The following ADGRG6 variants were observed in gnomAD, a reference collection of about 807,000 sequenced individuals.
ADGRG6 encodes the protein G-protein coupled receptor 126.
A neutral mutation model predicts 142.4 loss-of-function variants in ADGRG6; 84 were observed. The observed-to-expected ratio is 0.59, with a 90% CI of 0.49 to 0.71. The LOEUF (loss-of-function observed/expected upper bound fraction) is 0.71. Ranked by LOEUF, ADGRG6 falls within the 30% of genes least tolerant of loss-of-function variation. ADGRG6 has a pLI of 0.00. For missense variants in ADGRG6, 1,367 were observed against 1,466.6 expected, an observed-to-expected ratio of 0.93 and a Z score of 1.11; for synonymous variants, 521 against 520.5, an observed-to-expected ratio of 1.00 and a Z score of -0.01.
chr6:142,339,185 G>A (rs926362665), intron 2 of ADGRG6, among the ~76,000 whole-genome samples: 2 of 152,100 alleles, frequency 1.3e-5, no homozygotes, highest in African/African-American at 2.4e-5. Flanking sequence ...TCTGATGTTA[G>A]CTATGCACAA....
chr6:142,376,889 A>G (rs79273258), intron 4 of ADGRG6, among the ~76,000 whole-genome samples: 2,542 of 152,258 alleles, frequency 0.017, 78 homozygotes, highest in African/African-American at 0.057. Context: ...TTTGCTCTTC[A>G]GTTATTTGGA....
At chr6:142,391,434 T>C (rs894311577) in intron 7 of ADGRG6, among the ~76,000 whole-genome samples, 22 of 132,464 alleles carry the variant, frequency 1.7e-4, no homozygotes, top group Non-Finnish European at 2.7e-4. Context: ...AAGTGGTAGC[T>C]ACACACACAC....
chr6:142,305,534 A>T (rs1043017635), intron 1 of ADGRG6, among the ~76,000 whole-genome samples: 1 of 151,826 alleles, frequency 6.6e-6, no homozygotes, highest in African/African-American at 2.4e-5. Flanking sequence ...TAATTTTTCA[A>T]TTGAAATTTT....
At chr6:142,391,434 TACACACACACACACACACAC>T (rs35253608) in intron 7 of ADGRG6, among the ~76,000 whole-genome samples, 3 of 132,464 alleles carry the variant, frequency 2.3e-5, no homozygotes, top group Middle Eastern at 3.8e-3. Flanking sequence ...AAGTGGTAGC[TACACACACACACACACACAC>T]ACACACACAC....
At chr6:142,394,993 G>C (rs2114989110) in intron 9 of ADGRG6, among the ~76,000 whole-genome samples, 1 of 152,236 alleles carries the variant, frequency 6.6e-6, no homozygotes, top group East Asian at 1.9e-4. Context: ...ATACAGCCCT[G>C]ATGACGGAGC....
In ADGRG6 at chr6:142,367,578, G is replaced by T. The variant is rs753176909; in HGVS notation, c.113G>T (p.Cys38Phe). 1 of 1,612,912 alleles carries T rather than the reference G, an allele frequency of 6.2e-7. No individual in the cohort carries two copies. Among genetic ancestry groups the T allele is most frequent in the South Asian group, 1.1e-5 (1 of 90,982 alleles). The change falls in exon 3 of 25, where the codon TGT becomes TTT. Residue 38 changes from cysteine (C) to phenylalanine (F), a missense_variant. Coordinates refer to ENST00000367609, the MANE Select transcript of ADGRG6 (RefSeq NM_198569.3). ...IMCVPHSVWG[C>F]ANCRVVLSNP... ...TTTGTCTGGCCAGCAGTGTGGGGATGTGCCAACTGCCGAGTGGTTTTGTCC... is the reference window on the plus strand; with the variant it reads ...TTTGTCTGGCCAGCAGTGTGGGGATTTGCCAACTGCCGAGTGGTTTTGTCC...
At chr6:142,314,815 AC>A (rs1464195903) in intron 2 of ADGRG6, among the ~76,000 whole-genome samples, 1 of 152,202 alleles carries the variant, frequency 6.6e-6, no homozygotes, top group Non-Finnish European at 1.5e-5. Context: ...TGCTGTAAGA[AC>A]CAAATGACTC....
Position 142,402,801 on chromosome 6 carries a change from A to C in ADGRG6, c.1926A>C (p.Ser642=), listed in dbSNP as rs759611685. ...TATTTTCTAATATCTTAAGCAGTTC[A>C]GACAGTGACTTGCTTGAGTCATCTT... ...MNIFSNILSS[S]DSDLLESSSE... is the part of the protein sequence containing the mutation. The change falls in exon 13 of 25, where the codon TCA becomes TCC. Residue 642 remains serine, a synonymous_variant. Transcript: ENST00000367609. The C allele has an allele frequency of 2.1e-5, 33 of 1,593,132 alleles. No homozygotes were observed. The East Asian group carries it at 7.4e-4, about 36-fold the overall frequency.
chr6:142,423,090 GA>G (rs1776743448), intron 22 of ADGRG6, among the ~76,000 whole-genome samples: 1 of 146,502 alleles, frequency 6.8e-6, no homozygotes. Context: ...AGTAGGTTGC[GA>G]AAATTTTCTC....
intron 18 of ADGRG6, 58 bp downstream of exon 18, chr6:142,411,469 C>CT (rs1776082619): frequency 1.2e-6 from 1 of 833,340 alleles, no homozygotes; most frequent in South Asian, 1.3e-5. Flanking sequence ...TGGCATACTC[C>CT]TTTTTTGTAT....
intron 22 of ADGRG6, among the ~76,000 whole-genome samples, chr6:142,428,989 A>G (rs922908506): frequency 5.3e-5 from 8 of 152,198 alleles, no homozygotes; most frequent in Non-Finnish European, 1.2e-4. Flanking sequence ...TCCAGGATAA[A>G]ACAGGCATAT....
chr6:142,438,036 A>G (rs893797908), intron 23 of ADGRG6, 176 bp from the exon 24 acceptor site: 2 of 479,574 alleles, frequency 4.2e-6, no homozygotes, highest in East Asian at 6.7e-5. Context: ...ATACAAGGTC[A>G]AAGTAAGAAA....
At chr6:142,402,081 T>A in intron 12 of ADGRG6, 23 bp downstream of exon 12, 1 of 1,226,642 alleles carries the variant, frequency 8.2e-7, no homozygotes. Flanking sequence ...TTTTCCTTTA[T>A]TTCTCAAGGA....
At chr6:142,363,981 C>G (rs1780832228) in intron 2 of ADGRG6, among the ~76,000 whole-genome samples, 1 of 148,980 alleles carries the variant, frequency 6.7e-6, no homozygotes. Flanking sequence ...CCGTTTTGTT[C>G]TGTATTTTTT....
chr6:142,365,588 C>G (rs773528623), intron 2 of ADGRG6, among the ~76,000 whole-genome samples: 3 of 152,092 alleles, frequency 2.0e-5, no homozygotes, highest in African/African-American at 7.2e-5. Flanking sequence ...ACATGGTGCT[C>G]CAGGGATGGA....
intron 2 of ADGRG6, among the ~76,000 whole-genome samples, chr6:142,311,032 A>G (rs1418999150): frequency 6.6e-6 from 1 of 151,888 alleles, no homozygotes. Flanking sequence ...GGACTTTTAG[A>G]TGTCAACATT....
At chr6:142,359,733 G>A (rs1780626954) in intron 2 of ADGRG6, among the ~76,000 whole-genome samples, 1 of 152,210 alleles carries the variant, frequency 6.6e-6, no homozygotes, top group African/African-American at 2.4e-5. Flanking sequence ...ACCTGGCACA[G>A]TGTCAGGCAG....
At chr6:142,382,444 G>A (rs1263566370) in intron 5 of ADGRG6, among the ~76,000 whole-genome samples, 1 of 152,140 alleles carries the variant, frequency 6.6e-6, no homozygotes, top group African/African-American at 2.4e-5. Flanking sequence ...ATAAGGCCAT[G>A]AGGCAATTTA....
chr6:142,353,273 C>A (rs2114784868), intron 2 of ADGRG6, among the ~76,000 whole-genome samples: 1 of 152,222 alleles, frequency 6.6e-6, no homozygotes, highest in African/African-American at 2.4e-5. Context: ...TACTTCTTTG[C>A]ATTCTTTATC....
Sources: gnomAD v4.1 joint callset for allele counts (sites outside exome capture counted in the v4.1 genomes callset) on GRCh38, gnomAD v4.1.1 for gene constraint, MANE v1.5 for transcripts, NCBI Gene and HGNC (gene_info 2026-07-23, HGNC 2026-07-21) for gene names.